ANKRD55: variants seen among roughly 807,000 people sequenced by gnomAD.
ANKRD55 encodes ankyrin repeat domain-containing protein 55.
Under a neutral mutation model 60.6 loss-of-function variants are expected in ANKRD55, and 41 were observed. The ratio of observed to expected loss-of-function variants is 0.68; its 90% CI spans 0.53 to 0.88. The LOEUF (loss-of-function observed/expected upper bound fraction) is 0.88. Among genes scored for constraint, ANKRD55 ranks in the 40% least tolerant of loss-of-function variants. The pLI is 0.00. For synonymous variants in ANKRD55, 264 were observed against 290.3 expected, an observed-to-expected ratio of 0.91 and a Z score of 0.92; for missense variants, 732 against 767.6, an observed-to-expected ratio of 0.95 and a Z score of 0.55.
intron 10 of ANKRD55, among the ~76,000 whole-genome samples, chr5:56,106,716 G>A (rs577048973): frequency 6.6e-6 from 1 of 152,220 alleles, no homozygotes; most frequent in African/African-American, 2.4e-5. Flanking sequence ...ACAGGCATGA[G>A]CCACCACACC....
At chr5:56,166,158 T>TTTCTTCCTTCCTTCCTTCCTTCC (rs1554040812) in intron 5 of ANKRD55, among the ~76,000 whole-genome samples, 6 of 72,460 alleles carry the variant, frequency 8.3e-5, no homozygotes, top group Admixed American at 1.5e-4. Context: ...TTCTTTCTTC[T>TTTCTTCCTTCCTTCCTTCCTTCC]TTCCTTCCTT....
chr5:56,157,816 GC>G (rs1758231201), intron 6 of ANKRD55, among the ~76,000 whole-genome samples: 1 of 152,174 alleles, frequency 6.6e-6, no homozygotes, highest in South Asian at 2.1e-4. Context: ...AGAGACCGGA[GC>G]CGGCGCGCGT....
intron 7 of ANKRD55, chr5:56,137,121 A>G: frequency 8.0e-7 from 1 of 1,247,052 alleles, no homozygotes; most frequent in Non-Finnish European, 1.2e-6. Flanking sequence ...AAAGTATCTG[A>G]AAGATGTCAC....
At chr5:56,101,006 T>C (rs997684556) in intron 11 of ANKRD55, among the ~76,000 whole-genome samples, 1 of 152,352 alleles carries the variant, frequency 6.6e-6, no homozygotes, top group East Asian at 1.9e-4. Context: ...GGAACTGATC[T>C]GTCAAGGAAG....
intron 2 of ANKRD55, among the ~76,000 whole-genome samples, chr5:56,218,633 A>C (rs1469028810): frequency 2.0e-5 from 3 of 152,256 alleles, no homozygotes; most frequent in Non-Finnish European, 2.9e-5. Flanking sequence ...TGCATTGGGA[A>C]ACCAAAACTT....
intron 7 of ANKRD55, among the ~76,000 whole-genome samples, chr5:56,135,137 A>G (rs1234278032): frequency 6.6e-6 from 1 of 152,144 alleles, no homozygotes; most frequent in East Asian, 1.9e-4. Context: ...ACCTATAGCT[A>G]ACATCATACT....
At chr5:56,184,215 C>T (rs946485701) in intron 2 of ANKRD55, among the ~76,000 whole-genome samples, 1 of 152,220 alleles carries the variant, frequency 6.6e-6, no homozygotes, top group South Asian at 2.1e-4. Context: ...TGGGACATTT[C>T]TTCCTGCCTT....
intron 6 of ANKRD55, among the ~76,000 whole-genome samples, chr5:56,145,285 G>A (rs1757869555): frequency 6.6e-6 from 1 of 152,194 alleles, no homozygotes; most frequent in Non-Finnish European, 1.5e-5. Flanking sequence ...TTGCAGATAG[G>A]TGCAGCCACA....
chr5:56,216,592 G>C (rs934064233), intron 2 of ANKRD55, among the ~76,000 whole-genome samples: 3 of 152,230 alleles, frequency 2.0e-5, no homozygotes, highest in African/African-American at 7.2e-5. Context: ...CTACTCCAGT[G>C]AACACATGAA....
At chr5:56,217,525 C>A (rs1759842524) in intron 2 of ANKRD55, among the ~76,000 whole-genome samples, 1 of 151,902 alleles carries the variant, frequency 6.6e-6, no homozygotes, top group African/African-American at 2.4e-5. Context: ...AATTGAAAAC[C>A]TTTGCTCTAT....
At chr5:56,159,414 C>T (rs911898328) in intron 6 of ANKRD55, among the ~76,000 whole-genome samples, 9 of 151,532 alleles carry the variant, frequency 5.9e-5, no homozygotes, top group South Asian at 4.2e-4. Context: ...TGAGCCAAGA[C>T]GGTGCCACTG....
chr5:56,106,643 G>A (rs1211469082), intron 10 of ANKRD55, among the ~76,000 whole-genome samples: 1 of 151,880 alleles, frequency 6.6e-6, no homozygotes, highest in Non-Finnish European at 1.5e-5. Flanking sequence ...TGTTGGCCAG[G>A]CTGGTCTCGA....
At chr5:56,166,087 T>TTCTTTCC (rs1758444732) in intron 5 of ANKRD55, among the ~76,000 whole-genome samples, 1 of 12,516 alleles carries the variant, frequency 8.0e-5, no homozygotes, top group South Asian at 2.7e-3. Context: ...TTCTTTTCTT[T>TTCTTTCC]TTCTTTCTTT....
chr5:56,174,801 C>T (rs925998596), intron 4 of ANKRD55, among the ~76,000 whole-genome samples: 1 of 145,188 alleles, frequency 6.9e-6, no homozygotes, highest in East Asian at 2.0e-4. Context: ...CACTGCACTC[C>T]AGCCTGGTGA....
intron 2 of ANKRD55, among the ~76,000 whole-genome samples, chr5:56,199,712 A>G (rs1184078857): frequency 6.6e-6 from 1 of 151,870 alleles, no homozygotes; most frequent in Non-Finnish European, 1.5e-5. Flanking sequence ...AACACGGTGA[A>G]ACCCTGTCTC....
At chr5:56,199,101 A>AAACAAACAAACAAACAAACC (rs546782271) in intron 2 of ANKRD55, among the ~76,000 whole-genome samples, 3 of 151,882 alleles carry the variant, frequency 2.0e-5, no homozygotes, top group Admixed American at 6.6e-5. Context: ...ACAAACAAAC[A>AAACAAACAAACAAACAAACC]AACCCAAAAA....
At chr5:56,168,473 T>C (rs1758536076) in intron 5 of ANKRD55, among the ~76,000 whole-genome samples, 1 of 152,220 alleles carries the variant, frequency 6.6e-6, no homozygotes. Context: ...TTATTTTACT[T>C]AGCAGTGGCC....
At chr5:56,229,948 G>C (rs889422029) in intron 2 of ANKRD55, among the ~76,000 whole-genome samples, 1 of 152,180 alleles carries the variant, frequency 6.6e-6, no homozygotes, top group Non-Finnish European at 1.5e-5. Context: ...CTGAAATGTG[G>C]AAGAGGGGTA....
At chr5:56,125,146 C>T (rs1398778582) in intron 8 of ANKRD55, among the ~76,000 whole-genome samples, 2 of 152,154 alleles carry the variant, frequency 1.3e-5, no homozygotes, top group Admixed American at 1.3e-4. Flanking sequence ...TTCCCTCAGC[C>T]TGCCTTTCTG....
Sources: allele counts gnomAD v4.1 joint callset (sites outside exome capture counted in the v4.1 genomes callset), GRCh38; gene constraint gnomAD v4.1.1; transcripts MANE v1.5; gene names NCBI Gene and HGNC (gene_info 2026-07-23, HGNC 2026-07-21).